PC: variants seen among roughly 807,000 people sequenced by gnomAD.
The protein encoded by PC is pyruvate carboxylase, mitochondrial.
Under a neutral mutation model 107.8 loss-of-function variants are expected in PC, and 46 were observed. The observed-to-expected ratio is 0.43, with a 90% CI of 0.34 to 0.55. The LOEUF (loss-of-function observed/expected upper bound fraction) is 0.55. PC is among the 20% of genes least tolerant of loss of function. PC has a pLI of 0.04. For missense variants in PC, 1,241 were observed against 1,643.1 expected, an observed-to-expected ratio of 0.76 and a Z score of 4.23; for synonymous variants, 662 against 684.7, an observed-to-expected ratio of 0.97 and a Z score of 0.52.
Position 66,857,845 on chromosome 11 carries a change from G to A in PC, c.1369-4462C>T, listed in dbSNP as rs1239879603. 1 of 1,607,566 alleles carries A rather than the reference G, an allele frequency of 6.2e-7. No individual in the cohort carries two copies. Among genetic ancestry groups the A allele is most frequent in the Non-Finnish European group, 8.5e-7 (1 of 1,179,856 alleles). ...CTGTCCGAGTCGCTCAGCACCCTCTGTGCCCACCGAGGCCTGCTGTTTGTG... is the reference window on the plus strand; with the variant it reads ...CTGTCCGAGTCGCTCAGCACCCTCTATGCCCACCGAGGCCTGCTGTTTGTG... On this transcript the variant is annotated intron_variant, in intron 12 of 22. Coordinates refer to ENST00000393960, the MANE Select transcript of PC (RefSeq NM_001040716.2). This position sits in a 1 kb window ranked among gnomAD's most constrained non-coding sequence, Gnocchi z 7.1.
At position 66,866,541 on chromosome 11, in the gene PC, G is replaced by A. The variant is rs951578890; in HGVS notation, c.1023-192C>T. Among the ~76,000 whole-genome samples, 8 of 152,254 alleles carry A rather than the reference G, an allele frequency of 5.3e-5. No individual in the cohort carries two copies. The South Asian group carries it at 8.3e-4, about 16-fold the overall frequency. On this transcript the variant is annotated intron_variant, in intron 10 of 22. Transcript: ENST00000393960. The surrounding 1 kb of genome is among the most constrained non-coding windows in gnomAD (Gnocchi z 5.4). ...CACCAGCCCCTGCCCTGCTCCCGCC[G>A]GGAGCCGACTAAACTACACAGTGCC...
chr11:66,871,335 C>G lies in PC; in HGVS notation c.467G>C (p.Arg156Pro). 1 of 1,613,956 alleles carries G rather than the reference C, an allele frequency of 6.2e-7. No individual in the cohort carries two copies. Among genetic ancestry groups the G allele is most frequent in the Non-Finnish European group, 8.5e-7 (1 of 1,180,020 alleles). The change falls in exon 6 of 23, where the codon CGG becomes CCG. Residue 156 changes from arginine to proline, a missense_variant. Arg to Pro is a moderately radical substitution (Grantham distance 103). Around this residue, in one of 2 missense-constraint regions of PC, gnomAD observed 1,143 missense variants for 1,551.9 expected, o/e 0.74. Transcript: ENST00000393960. This position sits in a 1 kb window ranked among gnomAD's most constrained non-coding sequence, Gnocchi z 7.4. ...VRKMGDKVEA[R>P]AIAIAAGVPV... ...TTCACCCGCAGCAATGGCGATGGCCCGGGCCTCCACCTTGTCTCCCATCTT... is the reference window on the plus strand; with the variant it reads ...TTCACCCGCAGCAATGGCGATGGCCGGGGCCTCCACCTTGTCTCCCATCTT...
chr11:66,850,300 T>C lies in PC; in HGVS notation c.2638A>G (p.Ser880Gly). Reference sequence around the variant, plus strand: ...TTGAACTTGGAGCCAAGCCCCATGCTGTGGGCCTGGAAGTGCAGGTTGGTG... The same window carrying C: ...TTGAACTTGGAGCCAAGCCCCATGCCGTGGGCCTGGAAGTGCAGGTTGGTG... ...QYTNLHFQAHSMGLGSKFKEV... is the reference protein window; with the variant it reads ...QYTNLHFQAHGMGLGSKFKEV... The change falls in exon 19 of 23, where the codon AGC becomes GGC. Residue 880 changes from serine to glycine, a missense_variant. Physicochemically the swap from Ser to Gly is moderately conservative, Grantham distance 56. Around this residue, in one of 2 missense-constraint regions of PC, gnomAD observed 1,143 missense variants for 1,551.9 expected, o/e 0.74. Transcript: ENST00000393960. 1.9e-6 allele frequency: 3 copies of C among 1,614,160 alleles called. No homozygotes were observed. The highest frequency in any genetic ancestry group is 3.3e-4 in the Middle Eastern group (2 of 6,062).
intron 13 of PC, 52 bp downstream of exon 13, chr11:66,853,187 A>T (rs145682344): frequency 5.8e-5 from 91 of 1,567,710 alleles, no homozygotes; most frequent in Middle Eastern, 1.9e-4. Context: ...GGAGCAAGAG[A>T]TTGGAGAGCG....
At chr11:66,943,118 G>C (rs1442809449) in intron 3 of PC, among the ~76,000 whole-genome samples, 1 of 151,982 alleles carries the variant, frequency 6.6e-6, no homozygotes, top group Non-Finnish European at 1.5e-5. Flanking sequence ...CAATGCAATC[G>C]TATTAAGAGG....
At chr11:66,939,822 A>C (rs1949083331) in intron 3 of PC, among the ~76,000 whole-genome samples, 1 of 150,412 alleles carries the variant, frequency 6.6e-6, no homozygotes, top group Non-Finnish European at 1.5e-5. Context: ...AAAAAAAAAA[A>C]AAAACCAAAA....
At chr11:66,869,370 G>A (rs1218229015) in intron 9 of PC, among the ~76,000 whole-genome samples, 1 of 151,588 alleles carries the variant, frequency 6.6e-6, no homozygotes, top group Non-Finnish European at 1.5e-5. Context: ...TTTTCAGAAA[G>A]TCCCCTTCTA....
chr11:66,854,396 C>G (rs901100505), intron 12 of PC, among the ~76,000 whole-genome samples: 5 of 152,158 alleles, frequency 3.3e-5, no homozygotes, highest in African/African-American at 9.7e-5. Flanking sequence ...GCACACCCAT[C>G]GGCTTCATCC....
rs1565288966 is a variant in PC, at chr11:66,922,868, AG to A, written c.-1+29561del. 2.6e-5 allele frequency among the ~76,000 whole-genome samples: 4 copies of A among 152,346 alleles called. No individual in the cohort carries two copies. In the East Asian group the frequency reaches 7.7e-4, roughly 29 times the overall value. The stretch of plus-strand genomic sequence containing the variant: ...GTCCAAGCTTGCTGTTAGCTAAAAC[AG>A]GGGTCTCAGACAGGGAGGCAAAGGT... On this transcript the variant is annotated intron_variant, in intron 3 of 22. Transcript: ENST00000393960.
chr11:66,948,707 G>C (rs547621557), intron 3 of PC, among the ~76,000 whole-genome samples: 1 of 152,186 alleles, frequency 6.6e-6, no homozygotes, highest in East Asian at 1.9e-4. Flanking sequence ...GGGTGTGGTG[G>C]CTTGAACCTG....
rs1161933196 is a variant in PC, at chr11:66,866,464, C to T, written c.1023-115G>A. On this transcript the variant is annotated intron_variant, in intron 10 of 22. Transcript: ENST00000393960. The surrounding 1 kb of genome is among the most constrained non-coding windows in gnomAD (Gnocchi z 5.4). ...GCGTCCACACACAGTGCGACTCCTG[C>T]CCATAGGCTCTGGGCCAGCCTGAAC... is the stretch of plus-strand genomic sequence containing the variant. 2.6e-6 allele frequency: 2 copies of T among 764,720 alleles called. No individual in the cohort carries two copies. The highest frequency in any genetic ancestry group is 2.7e-5 in the East Asian group (1 of 36,838). 47.4% of individuals were successfully genotyped at this position (764,720 alleles called of 1,614,324 possible).
chr11:66,881,543 C>G (rs764240477), intron 3 of PC, among the ~76,000 whole-genome samples: 1 of 152,246 alleles, frequency 6.6e-6, no homozygotes, highest in Admixed American at 6.5e-5. Flanking sequence ...AGGGCCTGGC[C>G]GTCACCTGCC....
chr11:66,933,880 A>C lies in PC; in HGVS notation c.-1+18550T>G, dbSNP rs565824069. 3.3e-5 allele frequency among the ~76,000 whole-genome samples: 5 copies of C among 152,102 alleles called. No homozygotes were observed. The South Asian group carries it at 1.0e-3, about 32-fold the overall frequency. ...GGCTCAAGCATCTCAGGGGCTTCTT[A>C]TTGTCTCAAATCCCAACACGCAGCT... On this transcript the variant is annotated intron_variant, in intron 3 of 22. Coordinates refer to ENST00000393960, the MANE Select transcript of PC (RefSeq NM_001040716.2).
At position 66,872,094 on chromosome 11, in the gene PC, G is replaced by A. The variant is rs1294478419; in HGVS notation, c.66C>T (p.Ala22=). The A allele has an allele frequency of 3.8e-6, 6 of 1,571,338 alleles. No individual in the cohort carries two copies. In the East Asian group the frequency reaches 1.4e-4, roughly 37 times the overall value. Residue 22 remains alanine (A), a synonymous_variant, in exon 4 of 23, where the codon GCC becomes GCT. Transcript: ENST00000393960. The stretch of plus-strand genomic sequence containing the variant: ...GCCGGACATTTGGGGAGGCAGCGGG[G>A]GCGGTGGAGGTTCGGCGGATTCCCA... ...RLLGIRRTST[A]PAASPNVRRL... is the part of the protein sequence containing the mutation.
chr11:66,855,940 G>C (rs77387425), intron 12 of PC, among the ~76,000 whole-genome samples: 3,739 of 152,338 alleles, frequency 0.025, 156 homozygotes, highest in African/African-American at 0.085. Flanking sequence ...CCTGCCACCT[G>C]GCCCATGGGG....
At chr11:66,939,872 CATGAGAAAGA>C (rs1638416239) in intron 3 of PC, among the ~76,000 whole-genome samples, 1 of 142,534 alleles carries the variant, frequency 7.0e-6, no homozygotes, top group African/African-American at 2.6e-5. Flanking sequence ...TGCAGAGACA[CATGAGAAAGA>C]ATGAAATTGG....
At chr11:66,895,026 G>GAA (rs11421698) in intron 3 of PC, among the ~76,000 whole-genome samples, 1,445 of 126,708 alleles carry the variant, frequency 0.011, 27 homozygotes, top group African/African-American at 0.034. Flanking sequence ...TCCGTCTCAG[G>GAA]AAAAAAAAAA....
intron 12 of PC, chr11:66,860,578 G>C (rs1368011097): frequency 1.4e-6 from 1 of 701,476 alleles, no homozygotes; most frequent in Admixed American, 2.0e-5. Context: ...AGGGCCGGTG[G>C]GGGCAGTCAC....
At chr11:66,863,585 G>A (rs575249805) in intron 12 of PC, among the ~76,000 whole-genome samples, 189 bp downstream of exon 12, 2 of 152,308 alleles carry the variant, frequency 1.3e-5, no homozygotes, top group African/African-American at 2.4e-5. Context: ...TTGCCCAGGC[G>A]CCTGCAGACT....
Sources: allele counts gnomAD v4.1 joint callset (sites outside exome capture counted in the v4.1 genomes callset), GRCh38; gene constraint gnomAD v4.1.1; regional missense constraint gnomAD v4.1.1; non-coding constraint Gnocchi (gnomAD v3.1); transcripts MANE v1.5; gene names NCBI Gene and HGNC (gene_info 2026-07-23, HGNC 2026-07-21).